GRID2: variants seen among roughly 807,000 people sequenced by gnomAD.
The protein encoded by GRID2 is glutamate ionotropic receptor delta type subunit 2.
GRID2 carries 33 observed loss-of-function variants against 114.8 expected under a neutral mutation model. The ratio of observed to expected loss-of-function variants is 0.29; its 90% CI spans 0.22 to 0.38. GRID2 has a LOEUF of 0.38. Among genes scored for constraint, GRID2 ranks in the 10% least tolerant of loss-of-function variants. The pLI is 1.00. For missense variants in GRID2, 1,184 were observed against 1,257.7 expected (o/e 0.94, Z 0.89); for synonymous variants, 505 against 449.9 (o/e 1.12, Z -1.55).
At chr4:93,465,318 T>C (rs576813883) in intron 11 of GRID2, among the ~76,000 whole-genome samples, 1 of 152,380 alleles carries the variant, frequency 6.6e-6, no homozygotes, top group Non-Finnish European at 1.5e-5. Flanking sequence ...ACTTGATCTT[T>C]GCTTCAATAG....
chr4:93,703,885 C>T (rs1323940791), intron 14 of GRID2, among the ~76,000 whole-genome samples: 1 of 152,040 alleles, frequency 6.6e-6, no homozygotes, highest in Non-Finnish European at 1.5e-5. Context: ...TTTCTTAATC[C>T]AGTCTATCAT....
intron 2 of GRID2, among the ~76,000 whole-genome samples, chr4:92,898,420 T>C (rs1289540391): frequency 6.6e-6 from 1 of 152,156 alleles, no homozygotes; most frequent in Non-Finnish European, 1.5e-5. Flanking sequence ...ACAATTTCAT[T>C]TTCCTCTAAT....
intron 2 of GRID2, among the ~76,000 whole-genome samples, chr4:92,860,321 G>A (rs1244524652): frequency 6.6e-6 from 1 of 152,040 alleles, no homozygotes; most frequent in Non-Finnish European, 1.5e-5. Flanking sequence ...AATTTTACAA[G>A]GCTTTGCTTA....
chr4:93,779,635 T>C (rs1734440311), intron 1 of GRID2, among the ~76,000 whole-genome samples: 1 of 152,164 alleles, frequency 6.6e-6, no homozygotes, highest in Non-Finnish European at 1.5e-5. Flanking sequence ...AGAGTATGTT[T>C]GTCAAATTAG....
chr4:93,530,170 A>G (rs1731303403), intron 13 of GRID2, among the ~76,000 whole-genome samples: 1 of 152,144 alleles, frequency 6.6e-6, no homozygotes, highest in African/African-American at 2.4e-5. Context: ...CCTGGACTAC[A>G]GAAATAACTA....
chr4:93,263,484 T>G (rs1022517393), intron 8 of GRID2, among the ~76,000 whole-genome samples: 4 of 152,098 alleles, frequency 2.6e-5, no homozygotes, highest in Non-Finnish European at 5.9e-5. Flanking sequence ...TCCAAAATAA[T>G]TGAATAATTT....
At chr4:93,411,959 A>AAAGAAAG (rs1767190441) in intron 9 of GRID2, among the ~76,000 whole-genome samples, 1 of 151,962 alleles carries the variant, frequency 6.6e-6, no homozygotes, top group Non-Finnish European at 1.5e-5. Flanking sequence ...AAAAAAGAAA[A>AAAGAAAG]AAGAAAAAAA....
intron 2 of GRID2, among the ~76,000 whole-genome samples, chr4:92,720,899 G>T (rs1196640554): frequency 2.6e-5 from 4 of 152,042 alleles, no homozygotes; most frequent in Non-Finnish European, 5.9e-5. Flanking sequence ...CATGTAAATA[G>T]CCCAAATGTT....
chr4:93,589,838 G>A (rs1186511605), intron 13 of GRID2, among the ~76,000 whole-genome samples: 1 of 151,938 alleles, frequency 6.6e-6, no homozygotes, highest in Non-Finnish European at 1.5e-5. Flanking sequence ...TTTTTTGGCT[G>A]CATAAATGTC....
In GRID2 at chr4:92,442,340, G is replaced by T. The variant is rs182806935; in HGVS notation, c.88+137596G>T. The stretch of plus-strand genomic sequence containing the variant: ...GTTGAACAGTCCGATTTTCAGTGGG[G>T]TCCTACACAGATGGGACACGGCTTA... On this transcript the variant is annotated intron_variant, in intron 1 of 15. Transcript: ENST00000282020. 8.0e-4 allele frequency among the ~76,000 whole-genome samples: 121 copies of T among 152,108 alleles called. 1 individual carries two copies. In the East Asian group the frequency reaches 0.018, roughly 22 times the overall value.
intron 2 of GRID2, among the ~76,000 whole-genome samples, chr4:93,082,573 A>G (rs7686545): frequency 0.4 from 61,292 of 151,928 alleles, 12,713 homozygotes; most frequent in Admixed American, 0.55. Context: ...CAGGATGCCA[A>G]TTTACCAACA....
At chr4:92,448,166 T>C (rs1301467044) in intron 1 of GRID2, among the ~76,000 whole-genome samples, 1 of 151,752 alleles carries the variant, frequency 6.6e-6, no homozygotes, top group African/African-American at 2.4e-5. Context: ...TATGTATGTA[T>C]GTATGTATGT....
At chr4:92,771,426 C>G (rs1415487816) in intron 2 of GRID2, among the ~76,000 whole-genome samples, 2 of 152,058 alleles carry the variant, frequency 1.3e-5, no homozygotes, top group Non-Finnish European at 2.9e-5. Flanking sequence ...CTGTTTTCTT[C>G]TTTCTGTTAT....
chr4:92,592,324 C>A (rs1012079510), intron 2 of GRID2, among the ~76,000 whole-genome samples: 68 of 151,716 alleles, frequency 4.5e-4, no homozygotes, highest in African/African-American at 1.5e-3. Context: ...TAAAAATTAA[C>A]CTTGAGTAAA....
chr4:92,800,940 T>G (rs1170193192), intron 2 of GRID2, among the ~76,000 whole-genome samples: 1 of 152,020 alleles, frequency 6.6e-6, no homozygotes, highest in African/African-American at 2.4e-5. Context: ...ACTTAAGCTC[T>G]CTTAAGCCTC....
At chr4:92,663,055 C>T (rs1282843416) in intron 2 of GRID2, among the ~76,000 whole-genome samples, 1 of 151,002 alleles carries the variant, frequency 6.6e-6, no homozygotes, top group Non-Finnish European at 1.5e-5. Flanking sequence ...TGATTATCAT[C>T]ATGCAATTCA....
At chr4:93,345,954 A>G (rs1381918524) in intron 8 of GRID2, among the ~76,000 whole-genome samples, 1 of 152,072 alleles carries the variant, frequency 6.6e-6, no homozygotes, top group Non-Finnish European at 1.5e-5. Context: ...CAGTGACTGT[A>G]TATGCATGGA....
intron 11 of GRID2, among the ~76,000 whole-genome samples, chr4:93,475,563 A>G (rs1008520895): frequency 6.6e-6 from 1 of 152,120 alleles, no homozygotes; most frequent in Admixed American, 6.6e-5. Flanking sequence ...TTATCATTAA[A>G]ACTGATTGAA....
intron 2 of GRID2, among the ~76,000 whole-genome samples, chr4:92,760,261 A>G (rs1240397005): frequency 6.7e-6 from 1 of 150,010 alleles, no homozygotes; most frequent in Non-Finnish European, 1.5e-5. Flanking sequence ...AAAAAAAAAA[A>G]GAAAAGAAAT....
Sources: gnomAD v4.1 joint callset for allele counts (sites outside exome capture counted in the v4.1 genomes callset) on GRCh38, gnomAD v4.1.1 for gene constraint, MANE v1.5 for transcripts, NCBI Gene and HGNC (gene_info 2026-07-23, HGNC 2026-07-21) for gene names.